Variants in ZIC4 observed in about 807,000 individuals in gnomAD.
ZIC4 encodes Zic family zinc finger 4, also known as zinc finger protein ZIC 4.
Under a neutral mutation model 28.8 loss-of-function variants are expected in ZIC4, and 15 were observed. That is an observed-to-expected ratio of 0.52 (90% CI 0.35 to 0.80). The LOEUF (loss-of-function observed/expected upper bound fraction) is 0.80. Ranked by LOEUF, ZIC4 falls within the 30% of genes least tolerant of loss-of-function variation. The pLI is 0.01. For synonymous variants in ZIC4, 220 were observed against 198.1 expected (o/e 1.11, Z -0.93); for missense variants, 512 against 467.1 (o/e 1.10, Z -0.89).
In ZIC4 at chr3:147,402,606, C is replaced by T. The variant is rs1197217281; in HGVS notation, c.70+122G>A. The stretch of plus-strand genomic sequence containing the variant: ...GTTTCATTTGAACTCAAGAAACTCC[C>T]CCCAAACTCTCAACCCAACATAAAC... On this transcript the variant is annotated intron_variant, in intron 2 of 4. Transcript: ENST00000383075. 4.9e-6 allele frequency: 4 copies of T among 814,544 alleles called. No homozygotes were observed. The African/African-American group carries it at 5.2e-5, about 11-fold the overall frequency. 50.5% of individuals were successfully genotyped at this position (814,544 alleles called of 1,614,324 possible).
In ZIC4 at chr3:147,396,301, G is replaced by T. The variant is rs1165344103; in HGVS notation, c.239C>A (p.Pro80Gln). The change falls in exon 3 of 5, where the codon CCA becomes CAA. Residue 80 changes from proline (P) to glutamine (Q), a missense_variant. Pro to Gln is a moderately conservative substitution (Grantham distance 76). This residue lies in a region of ZIC4 where 310 missense variants were observed against 256.5 expected (regional missense o/e 1.21). Coordinates refer to ENST00000383075, the MANE Select transcript of ZIC4 (RefSeq NM_032153.6). This position sits in a 1 kb window ranked among gnomAD's most constrained non-coding sequence, Gnocchi z 4.2. ...DMYARPEPFP[P>Q]GPAARSDALA... ...GGCGTCGCTGCGGGCCGCAGGCCCT[G>T]GCGGGAAGGGCTCCGGCCGCGCGTA... The T allele has an allele frequency of 6.2e-7, 1 of 1,603,814 alleles. No individual in the cohort carries two copies. The highest frequency in any genetic ancestry group is 1.7e-4 in the Middle Eastern group (1 of 6,012).
At chr3:147,398,008 A>G (rs2087085345) in intron 2 of ZIC4, among the ~76,000 whole-genome samples, 1 of 151,928 alleles carries the variant, frequency 6.6e-6, no homozygotes, top group African/African-American at 2.4e-5. Flanking sequence ...GGCCCTGACC[A>G]GGGACGGGAT....
chr3:147,403,391 C>T (rs1457990192), intron 1 of ZIC4, among the ~76,000 whole-genome samples: 1 of 152,136 alleles, frequency 6.6e-6, no homozygotes, highest in Non-Finnish European at 1.5e-5. Flanking sequence ...CACCGGTTGA[C>T]TTTTTAAAGT....
intron 3 of ZIC4, chr3:147,393,796 G>C (rs553024239): frequency 3.6e-5 from 16 of 444,736 alleles, no homozygotes; most frequent in African/African-American, 3.0e-4. Context: ...CCCTGGAGAG[G>C]AGCTGGGTGG....
chr3:147,400,574 A>G lies in ZIC4; in HGVS notation c.70+2154T>C, dbSNP rs552865318. ...CAAGTTCCTTAGAGCTATATGGTCT[A>G]TATGTTGGTTGGCTAAACCCAGCAA... On this transcript the variant is annotated intron_variant, in intron 2 of 4. Coordinates refer to ENST00000383075, the MANE Select transcript of ZIC4 (RefSeq NM_032153.6). Among the ~76,000 whole-genome samples the G allele has an allele frequency of 5.3e-5, 8 of 152,326 alleles. No individual in the cohort carries two copies. The South Asian group carries it at 1.2e-3, about 24-fold the overall frequency.
At position 147,386,132 on chromosome 3, in the gene ZIC4, G is replaced by A. The variant is rs969384096; in HGVS notation, c.*2727C>T. ...CCATGTACACAAAAGCCTTTGGAGG[G>A]AAAAGGAATCACAGATTTAATATCA... On this transcript the variant is annotated 3_prime_UTR_variant, in exon 5 of 5. Transcript: ENST00000383075. 1 of 152,206 alleles carries A rather than the reference G, an allele frequency of 6.6e-6. No homozygotes were observed. The highest frequency in any genetic ancestry group is 2.4e-5 in the African/African-American group (1 of 41,452). The allele number at this position is 152,206 out of a possible 1,614,324, so 9.4% of individuals were successfully genotyped here.
chr3:147,389,695 A>C (rs1368989278), intron 4 of ZIC4, among the ~76,000 whole-genome samples: 1 of 152,118 alleles, frequency 6.6e-6, no homozygotes, highest in Non-Finnish European at 1.5e-5. Flanking sequence ...CATACGCAGC[A>C]TATCAAATAC....
At chr3:147,397,451 C>T (rs1559963312) in intron 2 of ZIC4, among the ~76,000 whole-genome samples, 1 of 151,964 alleles carries the variant, frequency 6.6e-6, no homozygotes, top group Non-Finnish European at 1.5e-5. Context: ...TTCCACTGCT[C>T]ATGCGCTCTG....
At chr3:147,391,333 T>G (rs982228039) in intron 3 of ZIC4, 87 bp from the exon 4 acceptor site, 4 of 1,420,368 alleles carry the variant, frequency 2.8e-6, no homozygotes, top group Admixed American at 2.7e-5. Flanking sequence ...TCTCTCATTT[T>G]CTGGAAAAGA....
At chr3:147,393,792 A>G (rs1268018793) in intron 3 of ZIC4, 1 of 440,714 alleles carries the variant, frequency 2.3e-6, no homozygotes, top group African/African-American at 2.0e-5. Flanking sequence ...GGGTCCCTGG[A>G]GAGGAGCTGG....
intron 1 of ZIC4, chr3:147,405,896 G>A: frequency 5.1e-6 from 1 of 197,512 alleles, no homozygotes; most frequent in Non-Finnish European, 1.0e-5. Flanking sequence ...CTTGGGGGCA[G>A]AGCAGAGATA....
chr3:147,390,526 A>G (rs1335264292), intron 4 of ZIC4, among the ~76,000 whole-genome samples: 1 of 152,050 alleles, frequency 6.6e-6, no homozygotes, highest in Non-Finnish European at 1.5e-5. Flanking sequence ...TTGCACATAA[A>G]TTCTCCAACT....
intron 1 of ZIC4, among the ~76,000 whole-genome samples, chr3:147,404,609 A>ACGGC (rs1429873803): frequency 2.6e-5 from 4 of 152,156 alleles, no homozygotes; most frequent in African/African-American, 9.7e-5. Context: ...CACATCAACC[A>ACGGC]CGGCCTCCTA....
intron 3 of ZIC4, among the ~76,000 whole-genome samples, chr3:147,395,558 T>C (rs1205763430): frequency 6.6e-6 from 1 of 152,152 alleles, no homozygotes; most frequent in East Asian, 1.9e-4. Context: ...TTTTAAAATA[T>C]CTTAAAATCA....
rs1455459238 is a variant in ZIC4 at position 147,388,421 on chromosome 3, C to T, written c.*438G>A. 5 of 184,534 alleles carry T rather than the reference C, an allele frequency of 2.7e-5. No homozygotes were observed. The highest frequency in any genetic ancestry group is 5.6e-5 in the Non-Finnish European group (5 of 89,942). The allele number at this position is 184,534 out of a possible 1,614,324, so 11.4% of individuals were successfully genotyped here. Reference sequence around the variant, plus strand: ...AGAAACTCGCCATCAAACCCAAACGCGCCCTCTGATCACCGCAGAAAGCAG... The same window carrying T: ...AGAAACTCGCCATCAAACCCAAACGTGCCCTCTGATCACCGCAGAAAGCAG... On this transcript the variant is annotated 3_prime_UTR_variant, in exon 5 of 5. Coordinates refer to ENST00000383075, the MANE Select transcript of ZIC4 (RefSeq NM_032153.6).
intron 3 of ZIC4, chr3:147,392,123 C>G (rs2086937458): frequency 1.0e-6 from 1 of 985,558 alleles, no homozygotes; most frequent in Non-Finnish European, 1.2e-6. Flanking sequence ...CCACCCCCAC[C>G]TGGCTGTCGG....
At position 147,386,899 on chromosome 3, in the gene ZIC4, G is replaced by A. The variant is rs1002766554; in HGVS notation, c.*1960C>T. 6.6e-6 allele frequency: 1 copy of A among 152,202 alleles called. No homozygotes were observed. The highest frequency in any genetic ancestry group is 2.4e-5 in the African/African-American group (1 of 41,438). 9.4% of individuals were successfully genotyped at this position (152,202 alleles called of 1,614,324 possible). The stretch of plus-strand genomic sequence containing the variant: ...GCTAGTGAGAAGAAACACACAATGG[G>A]TCTATTTTTAGCAGAGGTGGCTTTG... On this transcript the variant is annotated 3_prime_UTR_variant, in exon 5 of 5. Coordinates refer to ENST00000383075, the MANE Select transcript of ZIC4 (RefSeq NM_032153.6).
chr3:147,404,115 C>G (rs1444873993), intron 1 of ZIC4: 1 of 1,535,184 alleles, frequency 6.5e-7, no homozygotes, highest in African/African-American at 1.4e-5. Flanking sequence ...CGTCCTCGCT[C>G]TGAAATTTCC....
Position 147,386,766 on chromosome 3 carries a change from C to A in ZIC4, c.*2093G>T, listed in dbSNP as rs76923952. The stretch of plus-strand genomic sequence containing the variant: ...ATCACTGTGTTGTAGACCAAACCTT[C>A]TAAACTTCAATTGCCAAGATTCTGA... On this transcript the variant is annotated 3_prime_UTR_variant, in exon 5 of 5. Coordinates refer to ENST00000383075, the MANE Select transcript of ZIC4 (RefSeq NM_032153.6). 1.3e-3 allele frequency: 192 copies of A among 152,322 alleles called. No individual in the cohort carries two copies. Among genetic ancestry groups the A allele is most frequent in the African/African-American group, 4.4e-3 (184 of 41,560 alleles). The allele number at this position is 152,322 out of a possible 1,614,324, so 9.4% of individuals were successfully genotyped here.
Sources: gnomAD v4.1 joint callset for allele counts (sites outside exome capture counted in the v4.1 genomes callset) on GRCh38, gnomAD v4.1.1 for gene constraint, gnomAD v4.1.1 regional missense constraint, Gnocchi (gnomAD v3.1) non-coding constraint, MANE v1.5 for transcripts, NCBI Gene and HGNC (gene_info 2026-07-23, HGNC 2026-07-21) for gene names.